Variants in COMP observed in about 807,000 individuals in gnomAD.
The protein encoded by COMP is cartilage oligomeric matrix protein, also known as cartilage oligomeric matrix protein (pseudoachondroplasia, epiphyseal dysplasia 1, multiple).
A neutral mutation model predicts 95.8 loss-of-function variants in COMP; 79 were observed. The observed-to-expected ratio is 0.82, with a 90% CI of 0.69 to 0.99. The LOEUF is 0.99. COMP is among the 50% of genes least tolerant of loss of function. The pLI is 0.00. For synonymous variants in COMP, 438 were observed against 433.9 expected (o/e 1.01, Z -0.12); for missense variants, 906 against 1,076.1 (o/e 0.84, Z 2.21).
rs868041658 is a variant in COMP at position 18,789,554 on chromosome 19, G to A, written c.391-257C>T. Among the ~76,000 whole-genome samples the A allele has an allele frequency of 4.3e-4, 65 of 152,078 alleles. No individual in the cohort carries two copies. Among genetic ancestry groups the A allele is most frequent in the Middle Eastern group, 3.2e-3 (1 of 316 alleles). On this transcript the variant is annotated intron_variant, in intron 4 of 18. Coordinates refer to ENST00000222271, the MANE Select transcript of COMP (RefSeq NM_000095.3). This position sits in a 1 kb window ranked among gnomAD's most constrained non-coding sequence, Gnocchi z 6.1. ...AGGGCGGGCATCCCCAGCAGAGGGGGGCAGGGGTCGTCGGGGCGTGCGTGC... is the reference window on the plus strand; with the variant it reads ...AGGGCGGGCATCCCCAGCAGAGGGGAGCAGGGGTCGTCGGGGCGTGCGTGC...
In COMP at chr19:18,787,864, C is replaced by CTTTTTCTTTTTCTTTTTCTTTCTT. The variant is rs56093208; in HGVS notation, c.976-215_976-214insAAGAAAGAAAAAGAAAAAGAAAAA. ...TCTTTTCTTTTTTCTTTTTCTTTTT[C>CTTTTTCTTTTTCTTTTTCTTTCTT]TCTTTCTTTCTTTCTTTCTTTCTTT... On this transcript the variant is annotated intron_variant, in intron 9 of 18. Transcript: ENST00000222271. Among the ~76,000 whole-genome samples, 138 of 108,890 alleles carry CTTTTTCTTTTTCTTTTTCTTTCTT rather than the reference C, an allele frequency of 1.3e-3. 2 individuals are homozygous for CTTTTTCTTTTTCTTTTTCTTTCTT. Among genetic ancestry groups the CTTTTTCTTTTTCTTTTTCTTTCTT allele is most frequent in the African/African-American group, 3.7e-3 (106 of 28,716 alleles). The allele number at this position is 108,890 out of a possible 152,430, so 71.4% of individuals were successfully genotyped here.
Position 18,786,562 on chromosome 19 carries a change from G to A in COMP, c.1224C>T (p.Asp408=), listed in dbSNP as rs750654646. The change falls in exon 11 of 19, where the codon GAC becomes GAT. Residue 408 remains aspartate (D), a synonymous_variant. Transcript: ENST00000222271. ...CCGGGTTGCTCTTCTGGGGACAGTTGTCACAGGCATCCCCTATACCATCGC... is the reference window on the plus strand; with the variant it reads ...CCGGGTTGCTCTTCTGGGGACAGTTATCACAGGCATCCCCTATACCATCGC... ...SDGDGIGDAC[D]NCPQKSNPDQ... The A allele has an allele frequency of 6.2e-7, 1 of 1,614,116 alleles. No homozygotes were observed. The highest frequency in any genetic ancestry group is 1.1e-5 in the South Asian group (1 of 91,084).
rs2055134781 is a variant in COMP, at chr19:18,782,959, T to A, written c.2230A>T (p.Thr744Ser). Reference sequence around the variant, plus strand: ...TGGGTCTCATAGTCCTCTGGGATGGTGTCTGCAGGGAGAGGGCAGGCGGGT... The same window carrying A: ...TGGGTCTCATAGTCCTCTGGGATGGAGTCTGCAGGGAGAGGGCAGGCGGGT... The part of the protein sequence containing the change: ...WANLRYRCND[T>S]IPEDYETHQL... Residue 744 changes from threonine (T) to serine (S), a missense_variant and splice_region_variant, in exon 19 of 19, where the codon ACC becomes TCC. By Grantham distance (58) the Thr-to-Ser change is moderately conservative (BLOSUM62 1). Coordinates refer to ENST00000222271, the MANE Select transcript of COMP (RefSeq NM_000095.3). The A allele has an allele frequency of 6.2e-7, 1 of 1,612,752 alleles. No homozygotes were observed. The highest frequency in any genetic ancestry group is 8.5e-7 in the Non-Finnish European group (1 of 1,179,974).
Position 18,789,891 on chromosome 19 carries a change from G to C in COMP, c.390+51C>G, listed in dbSNP as rs2055198846. 2 of 1,584,894 alleles carry C rather than the reference G, an allele frequency of 1.3e-6. No individual in the cohort carries two copies. The highest frequency in any genetic ancestry group is 2.3e-5 in the East Asian group (1 of 44,406). On this transcript the variant is annotated intron_variant, in intron 4 of 18. Coordinates refer to ENST00000222271, the MANE Select transcript of COMP (RefSeq NM_000095.3). The surrounding 1 kb of genome is among the most constrained non-coding windows in gnomAD (Gnocchi z 6.1). ...GGGTCTCCCGGGCGGCGAGAGATTG[G>C]GGGGCGGTAGAGGGAGTCGTCAGGG...
intron 9 of COMP, 108 bp from the exon 10 acceptor site, chr19:18,787,758 G>T: frequency 2.0e-6 from 3 of 1,491,394 alleles, no homozygotes; most frequent in Non-Finnish European, 2.8e-6. Context: ...GGAACCTTTC[G>T]CCCCTCCTAG....
intron 9 of COMP, among the ~76,000 whole-genome samples, chr19:18,787,867 TTTCTTTCTTTCTTTCTTTCTTTC>T (rs1568555767): frequency 1.6e-4 from 18 of 111,512 alleles, no homozygotes; most frequent in Admixed American, 1.1e-3. Flanking sequence ...TCTTTTTCTC[TTTCTTTCTTTCTTTCTTTCTTTC>T]TTTCTTTCTT....
chr19:18,787,624 T>G lies in COMP; in HGVS notation c.1002A>C (p.Pro334=). 1 of 1,614,020 alleles carries G rather than the reference T, an allele frequency of 6.2e-7. No homozygotes were observed. The highest frequency in any genetic ancestry group is 8.5e-7 in the Non-Finnish European group (1 of 1,180,034). The change falls in exon 10 of 19, where the codon CCA becomes CCC. Residue 334 remains proline (P), a synonymous_variant. Coordinates refer to ENST00000222271, the MANE Select transcript of COMP (RefSeq NM_000095.3). ...EKDNCPLVRN[P]DQRNTDEDKW... ...TGTCCTCGTCCGTGTTGCGCTGGTC[T>G]GGGTTCCGCACCAGCGGGCAGTTGT...
rs370913967 is a variant in COMP, at chr19:18,788,246, G to A, written c.941C>T (p.Pro314Leu). 1 of 1,613,112 alleles carries A rather than the reference G, an allele frequency of 6.2e-7. No homozygotes were observed. The highest frequency in any genetic ancestry group is 1.7e-5 in the Admixed American group (1 of 59,998). The change falls in exon 9 of 19, where the codon CCG becomes CTG. Residue 314 changes from proline (P) to leucine (L), a missense_variant. By Grantham distance (98) the Pro-to-Leu change is moderately conservative. Coordinates refer to ENST00000222271, the MANE Select transcript of COMP (RefSeq NM_000095.3). This position sits in a 1 kb window ranked among gnomAD's most constrained non-coding sequence, Gnocchi z 4.7. ...GGGGACCCCGTCCCCGTCGGCATCC[G>A]GATCGCAGGCGTCTCCGATGCCATC... is the stretch of plus-strand genomic sequence containing the variant. ...DRDGIGDACD[P>L]DADGDGVPNE...
intron 17 of COMP, among the ~76,000 whole-genome samples, chr19:18,783,507 G>A (rs1413360302): frequency 6.6e-6 from 1 of 152,178 alleles, no homozygotes; most frequent in African/African-American, 2.4e-5. Flanking sequence ...CTGTCACCCA[G>A]GCTGGAGTGC....
intron 11 of COMP, 94 bp downstream of exon 11, chr19:18,786,438 A>T: frequency 6.6e-7 from 1 of 1,518,870 alleles, no homozygotes. Flanking sequence ...TTTCTCTGGC[A>T]GTGTAAAATG....
In COMP at chr19:18,790,888, CG is replaced by C. The variant is rs1171957570; in HGVS notation, c.126del (p.Asn42LysfsTer21). On this transcript the variant is annotated frameshift_variant, in exon 2 of 19. Coordinates refer to ENST00000222271, the MANE Select transcript of COMP (RefSeq NM_000095.3). LOFTEE classifies it high-confidence loss of function. The part of the protein sequence containing the change: ...PQMLRELQET[N>X]AALQDVRELL... ...AGCTCCCGCACGTCCTGCAGCGCCGCGTTGGTTTCCTGCAGTTCCCGAAGCA... is the reference window on the plus strand; with the variant it reads ...AGCTCCCGCACGTCCTGCAGCGCCGCTTGGTTTCCTGCAGTTCCCGAAGCA... 1.3e-6 allele frequency: 2 copies of C among 1,570,264 alleles called. No homozygotes were observed. Among genetic ancestry groups the C allele is most frequent in the Non-Finnish European group, 1.7e-6 (2 of 1,159,122 alleles).
At position 18,791,199 on chromosome 19, in the gene COMP, C is replaced by A; in HGVS notation, c.71G>T (p.Ser24Ile). 1 of 1,586,774 alleles carries A rather than the reference C, an allele frequency of 6.3e-7. No homozygotes were observed. Among genetic ancestry groups the A allele is most frequent in the Non-Finnish European group, 8.6e-7 (1 of 1,168,180 alleles). The change falls in exon 1 of 19, where the codon AGC becomes ATC. Residue 24 changes from serine to isoleucine, a missense_variant. Transcript: ENST00000222271. ...GTGCTAACGCGGCTTACCCAACGGGCTCTGGCCCTGTCCGGACGCGCCGAG... is the reference window on the plus strand; with the variant it reads ...GTGCTAACGCGGCTTACCCAACGGGATCTGGCCCTGTCCGGACGCGCCGAG... ...AALGASGQGQ[S>I]PLGSDLGPQM...
chr19:18,790,561 C>G lies in COMP; in HGVS notation c.217+1G>C. On this transcript the variant is annotated splice_donor_variant, in intron 3 of 18. Transcript: ENST00000222271. LOFTEE classifies it high-confidence loss of function. ...TCTCCCGACCGCCCCGCCGCGCTCA[C>G]CGCACGCGTCACACTCCATCACCGT... 1 of 1,613,936 alleles carries G rather than the reference C, an allele frequency of 6.2e-7. No individual in the cohort carries two copies. The highest frequency in any genetic ancestry group is 1.1e-5 in the South Asian group (1 of 91,082).
intron 10 of COMP, among the ~76,000 whole-genome samples, chr19:18,787,207 AC>A (rs1205660975): frequency 6.6e-6 from 1 of 151,924 alleles, no homozygotes; most frequent in Non-Finnish European, 1.5e-5. Flanking sequence ...TAAAGTTGTC[AC>A]CTCCCAGGTC....
At chr19:18,787,838 GTCTTT>G (rs1220330296) in intron 9 of COMP, among the ~76,000 whole-genome samples, 188 bp from the exon 10 acceptor site, 1 of 120,578 alleles carries the variant, frequency 8.3e-6, no homozygotes, top group East Asian at 2.5e-4. Flanking sequence ...TCACAGCTCT[GTCTTT>G]TCTTTTTTCT....
rs2055180725 is a variant in COMP at position 18,787,888 on chromosome 19, TTC to T, written c.976-240_976-239del. Among the ~76,000 whole-genome samples, 5 of 89,084 alleles carry T rather than the reference TTC, an allele frequency of 5.6e-5. No individual in the cohort carries two copies. In the East Asian group the frequency reaches 9.9e-3, roughly 177 times the overall value. 58.4% of individuals were successfully genotyped at this position (89,084 alleles called of 152,430 possible). ...TCTCTTTCTTTCTTTCTTTCTTTCT[TTC>T]TTTCTTTCTTTCTTTCTTTCTTTCT... is the stretch of plus-strand genomic sequence containing the variant. On this transcript the variant is annotated intron_variant, in intron 9 of 18. Transcript: ENST00000222271.
At chr19:18,786,216 C>T (rs768654756) in intron 12 of COMP, 23 bp downstream of exon 12, 4 of 1,614,044 alleles carry the variant, frequency 2.5e-6, no homozygotes, top group Non-Finnish European at 3.4e-6. Context: ...TACCCGGACG[C>T]CCACCCCAGG....
chr19:18,790,465 G>A, intron 3 of COMP, 97 bp downstream of exon 3: 6 of 1,501,810 alleles, frequency 4.0e-6, no homozygotes, highest in Non-Finnish European at 5.5e-6. Context: ...ATCTCCTTCC[G>A]TCTCTTTTCC....
rs55728087 is a variant in COMP, at chr19:18,789,368, C to G, written c.391-71G>C. On this transcript the variant is annotated intron_variant, in intron 4 of 18. Transcript: ENST00000222271. This position sits in a 1 kb window ranked among gnomAD's most constrained non-coding sequence, Gnocchi z 6.1. The stretch of plus-strand genomic sequence containing the variant: ...CCCTGGGGGCCGCACCTCGTAGTGT[C>G]TCGGATGTGGAAAGTTCAAGGGCCA... 9,472 of 1,388,466 alleles carry G rather than the reference C, an allele frequency of 6.8e-3. 59 individuals are homozygous for G. The highest frequency in any genetic ancestry group is 7.2e-3 in the Non-Finnish European group (7,586 of 1,057,532). 86.0% of individuals were successfully genotyped at this position (1,388,466 alleles called of 1,614,324 possible).
Sources: gnomAD v4.1 joint callset for allele counts (sites outside exome capture counted in the v4.1 genomes callset) on GRCh38, gnomAD v4.1.1 for gene constraint, Gnocchi (gnomAD v3.1) non-coding constraint, MANE v1.5 for transcripts, NCBI Gene and HGNC (gene_info 2026-07-23, HGNC 2026-07-21) for gene names.